KHDRBS2: variants seen among roughly 807,000 people sequenced by gnomAD.
The protein encoded by KHDRBS2 is KH RNA binding domain containing, signal transduction associated 2.
KHDRBS2 carries 26 observed loss-of-function variants against 44.3 expected under a neutral mutation model. The ratio of observed to expected loss-of-function variants is 0.59; its 90% CI spans 0.43 to 0.81. KHDRBS2 has a LOEUF of 0.81. KHDRBS2 is among the 40% of genes least tolerant of loss of function. The pLI is 0.00. For missense variants in KHDRBS2, 476 were observed against 433.1 expected, an observed-to-expected ratio of 1.10 and a Z score of -0.88; for synonymous variants, 194 against 151.1, an observed-to-expected ratio of 1.28 and a Z score of -2.08.
intron 2 of KHDRBS2, among the ~76,000 whole-genome samples, chr6:62,082,868 T>C (rs1454534899): frequency 6.6e-6 from 1 of 152,158 alleles, no homozygotes; most frequent in Non-Finnish European, 1.5e-5. Context: ...AGAATTTAAA[T>C]ACTCAATCCT....
intron 6 of KHDRBS2, among the ~76,000 whole-genome samples, chr6:61,852,492 A>G (rs1246092897): frequency 4.0e-5 from 6 of 150,122 alleles, no homozygotes; most frequent in Non-Finnish European, 5.9e-5. Flanking sequence ...TGAACCCGGG[A>G]GGCAGAGGCT....
chr6:61,604,543 T>C, the KHDRBS2 span, among the ~76,000 whole-genome samples: 2 of 152,178 alleles, frequency 1.3e-5, no homozygotes. Context: ...ACCTCTTCCA[T>C]GTAGGTTACA....
chr6:61,601,212 GC>G, the KHDRBS2 span, among the ~76,000 whole-genome samples: 368 of 151,932 alleles, frequency 2.4e-3, 2 homozygotes, highest in African/African-American at 8.5e-3. Flanking sequence ...TTCCTGGGGG[GC>G]AAGCATCCCC....
rs1217063718 is a variant in KHDRBS2 at position 62,240,656 on chromosome 6, GTATGTA to G, written c.91+45196_91+45201del. Among the ~76,000 whole-genome samples the G allele has an allele frequency of 3.0e-4, 37 of 121,506 alleles. 1 individual carries two copies. Among genetic ancestry groups the G allele is most frequent in the African/African-American group, 1.1e-3 (37 of 33,144 alleles). The allele number at this position is 121,506 out of a possible 152,430, so 79.7% of individuals were successfully genotyped here. A position where few individuals can be genotyped will look rare whatever the true frequency, so the allele number is the denominator to read the frequency against. On this transcript the variant is annotated intron_variant, in intron 1 of 8. Coordinates refer to ENST00000281156, the MANE Select transcript of KHDRBS2 (RefSeq NM_152688.4). ...CACATATATGTGTGTGTGTATGTGT[GTATGTA>G]TGTGTGTGTGTATATATATATATAT...
intron 2 of KHDRBS2, among the ~76,000 whole-genome samples, chr6:62,059,482 A>G (rs970340985): frequency 2.6e-5 from 4 of 151,490 alleles, no homozygotes; most frequent in Admixed American, 6.6e-5. Context: ...CCTCAATAAG[A>G]CATGGCAATT....
chr6:61,771,983 CTG>C, intron 6 of KHDRBS2, among the ~76,000 whole-genome samples: 1 of 152,260 alleles, frequency 6.6e-6, no homozygotes, highest in Non-Finnish European at 1.5e-5. Flanking sequence ...TTATAACAAA[CTG>C]TATCTCAGAC....
At chr6:61,711,148 T>C (rs950002125) in intron 7 of KHDRBS2, among the ~76,000 whole-genome samples, 1 of 151,662 alleles carries the variant, frequency 6.6e-6, no homozygotes, top group East Asian at 1.9e-4. Flanking sequence ...AAATAATTTC[T>C]ATGTGAATAA....
At chr6:61,609,426 A>C in the KHDRBS2 span, among the ~76,000 whole-genome samples, 12 of 152,186 alleles carry the variant, frequency 7.9e-5, no homozygotes, top group Non-Finnish European at 1.8e-4. Flanking sequence ...ATGATGTATA[A>C]TCTATTTACC....
intron 6 of KHDRBS2, among the ~76,000 whole-genome samples, chr6:61,736,479 G>T (rs1775381654): frequency 6.6e-6 from 1 of 151,916 alleles, no homozygotes; most frequent in South Asian, 2.1e-4. Flanking sequence ...TTCTTTTTAG[G>T]AATCGGGCTT....
intron 6 of KHDRBS2, among the ~76,000 whole-genome samples, chr6:61,780,092 T>C (rs1782703350): frequency 6.6e-6 from 1 of 152,228 alleles, no homozygotes; most frequent in African/African-American, 2.4e-5. Flanking sequence ...AATTGAGAAT[T>C]TCTTTTAACC....
At chr6:61,587,396 TG>T in the KHDRBS2 span, among the ~76,000 whole-genome samples, 12 of 151,988 alleles carry the variant, frequency 7.9e-5, no homozygotes, top group African/African-American at 2.9e-4. Context: ...AACAGGTTTC[TG>T]GGGGCAGAAC....
At chr6:61,586,276 C>T in the KHDRBS2 span, among the ~76,000 whole-genome samples, 9 of 152,260 alleles carry the variant, frequency 5.9e-5, no homozygotes, top group South Asian at 2.1e-4. Flanking sequence ...ATGTGTCTCC[C>T]GATATGTGTA....
chr6:62,000,987 T>C (rs1368367729), intron 3 of KHDRBS2, among the ~76,000 whole-genome samples: 1 of 152,160 alleles, frequency 6.6e-6, no homozygotes, highest in East Asian at 1.9e-4. Context: ...GAAGGTGCTG[T>C]TAAAGTAACA....
chr6:61,820,671 T>C (rs1201147892), intron 6 of KHDRBS2, among the ~76,000 whole-genome samples: 1 of 152,026 alleles, frequency 6.6e-6, no homozygotes, highest in Non-Finnish European at 1.5e-5. Context: ...TTTCTGGAAG[T>C]CACATTTGTA....
chr6:62,055,338 G>A (rs985411598), intron 2 of KHDRBS2, among the ~76,000 whole-genome samples: 5 of 151,926 alleles, frequency 3.3e-5, no homozygotes, highest in African/African-American at 7.2e-5. Context: ...AAATTCAATC[G>A]CATTATAATT....
chr6:62,233,821 A>AT (rs1020966603), intron 1 of KHDRBS2, among the ~76,000 whole-genome samples: 4 of 152,070 alleles, frequency 2.6e-5, no homozygotes, highest in Non-Finnish European at 5.9e-5. Flanking sequence ...ACATGATCTC[A>AT]TTTTTTATGG....
chr6:62,070,434 A>G lies in KHDRBS2; in HGVS notation c.220-22440T>C, dbSNP rs1486146632. ...TACATGTGCCATGTTGGTGTGCTGC[A>G]CCCATTAACTCGTCATTTAACATTA... On this transcript the variant is annotated intron_variant, in intron 2 of 8. Transcript: ENST00000281156. Among the ~76,000 whole-genome samples the G allele has an allele frequency of 2.0e-5, 3 of 151,686 alleles. No individual in the cohort carries two copies. The East Asian group carries it at 5.8e-4, about 29-fold the overall frequency.
At chr6:62,031,114 G>A (rs1429304001) in intron 3 of KHDRBS2, among the ~76,000 whole-genome samples, 2 of 152,098 alleles carry the variant, frequency 1.3e-5, no homozygotes, top group Non-Finnish European at 2.9e-5. Context: ...GCTCACCAGG[G>A]ACCAGGGGTG....
intron 4 of KHDRBS2, among the ~76,000 whole-genome samples, chr6:61,961,606 G>A (rs1485905689): frequency 6.6e-6 from 1 of 152,032 alleles, no homozygotes; most frequent in African/African-American, 2.4e-5. Context: ...TGAAAAGGCT[G>A]AAGTGCTGAA....
Sources: allele counts gnomAD v4.1 joint callset (sites outside exome capture counted in the v4.1 genomes callset), GRCh38; gene constraint gnomAD v4.1.1; transcripts MANE v1.5; gene names NCBI Gene and HGNC (gene_info 2026-07-23, HGNC 2026-07-21).